ANO2: variants seen among roughly 807,000 people sequenced by gnomAD.
ANO2 encodes the protein anoctamin-2.
ANO2 carries 101 observed loss-of-function variants against 124.2 expected under a neutral mutation model. That is an observed-to-expected ratio of 0.81 (90% confidence interval 0.69 to 0.96). The LOEUF is 0.96. Among genes scored for constraint, ANO2 ranks in the 40% least tolerant of loss-of-function variants. The probability of loss-of-function intolerance (pLI) is 0.00; values close to 1 mark genes in which losing one functional copy is unlikely to be tolerated. For missense variants in ANO2, 1,293 were observed against 1,274.5 expected, an observed-to-expected ratio of 1.01 and a Z score of -0.22; for synonymous variants, 486 against 482.5, an observed-to-expected ratio of 1.01 and a Z score of -0.09.
intron 9 of ANO2, among the ~76,000 whole-genome samples, chr12:5,803,223 G>A (rs188464088): frequency 6.6e-6 from 1 of 152,124 alleles, no homozygotes; most frequent in African/African-American, 2.4e-5. Flanking sequence ...TGACCTATTC[G>A]AACATTTTAG....
chr12:5,807,674 A>C (rs1424576826), intron 7 of ANO2, among the ~76,000 whole-genome samples: 2 of 152,222 alleles, frequency 1.3e-5, no homozygotes, highest in African/African-American at 2.4e-5. Flanking sequence ...ATCAGGTGAG[A>C]ATCTCTGTGC....
intron 14 of ANO2, among the ~76,000 whole-genome samples, chr12:5,648,183 C>G (rs896883466): frequency 2.0e-5 from 3 of 152,070 alleles, no homozygotes; most frequent in Admixed American, 1.3e-4. Context: ...GGACAGTTTT[C>G]TTTGTTTTGT....
intron 14 of ANO2, among the ~76,000 whole-genome samples, chr12:5,729,515 G>A (rs1049558361): frequency 6.6e-6 from 1 of 152,158 alleles, no homozygotes; most frequent in Non-Finnish European, 1.5e-5. Flanking sequence ...ACTAAGTGTT[G>A]GTGAGGATGT....
chr12:5,773,374 G>A (rs1230883978), intron 10 of ANO2, among the ~76,000 whole-genome samples: 4 of 152,150 alleles, frequency 2.6e-5, no homozygotes. Context: ...TGTTATAATT[G>A]TTTCATTTTA....
intron 10 of ANO2, among the ~76,000 whole-genome samples, chr12:5,795,887 T>C (rs1465378164): frequency 6.6e-6 from 1 of 152,110 alleles, no homozygotes; most frequent in Non-Finnish European, 1.5e-5. Flanking sequence ...ACCAGAGAAG[T>C]GCAGGCAGAA....
intron 3 of ANO2, among the ~76,000 whole-genome samples, chr12:5,865,245 G>C (rs1002272017): frequency 5.9e-5 from 9 of 152,180 alleles, no homozygotes; most frequent in Non-Finnish European, 1.0e-4. Context: ...TTGGCAATGT[G>C]CTAAGAGTTA....
At chr12:5,878,345 C>T (rs150936488) in intron 3 of ANO2, among the ~76,000 whole-genome samples, 1 of 152,312 alleles carries the variant, frequency 6.6e-6, no homozygotes, top group East Asian at 1.9e-4. Flanking sequence ...GTGGTGGAAT[C>T]GAGATTCATG....
chr12:5,589,764 G>A (rs1291988069), intron 20 of ANO2, among the ~76,000 whole-genome samples: 1 of 152,156 alleles, frequency 6.6e-6, no homozygotes, highest in African/African-American at 2.4e-5. Flanking sequence ...ATGAGAAGGC[G>A]CAGGCAAGCC....
intron 14 of ANO2, among the ~76,000 whole-genome samples, chr12:5,691,061 G>A (rs1239821983): frequency 2.0e-5 from 3 of 152,094 alleles, no homozygotes; most frequent in African/African-American, 7.2e-5. Context: ...CAGGTGCGGT[G>A]GCTCACGCCT....
intron 19 of ANO2, among the ~76,000 whole-genome samples, chr12:5,607,317 C>T (rs1169662180): frequency 6.6e-6 from 1 of 152,108 alleles, no homozygotes; most frequent in East Asian, 1.9e-4. Context: ...ACCTGGAAAC[C>T]CCAAGAATGG....
intron 1 of ANO2, 119 bp downstream of exon 1, chr12:5,945,077 G>T: frequency 1.0e-6 from 1 of 956,636 alleles, no homozygotes; most frequent in Non-Finnish European, 1.4e-6. Context: ...GCACCACCCT[G>T]CCCAGGCTCC....
At chr12:5,753,211 A>T (rs535255061) in intron 10 of ANO2, among the ~76,000 whole-genome samples, 1 of 152,322 alleles carries the variant, frequency 6.6e-6, no homozygotes, top group East Asian at 1.9e-4. Flanking sequence ...GATGAATTTA[A>T]GGGCTTCAAT....
chr12:5,906,954 T>C (rs1437601342), intron 3 of ANO2, among the ~76,000 whole-genome samples: 1 of 152,228 alleles, frequency 6.6e-6, no homozygotes, highest in Non-Finnish European at 1.5e-5. Context: ...AAGTACAGAA[T>C]GAGAGGCATT....
At chr12:5,918,086 G>A (rs1941484610) in intron 3 of ANO2, among the ~76,000 whole-genome samples, 1 of 151,610 alleles carries the variant, frequency 6.6e-6, no homozygotes, top group African/African-American at 2.4e-5. Context: ...ACGCACCACA[G>A]CTCCCACATT....
intron 20 of ANO2, among the ~76,000 whole-genome samples, chr12:5,584,798 T>C: frequency 6.6e-6 from 1 of 152,196 alleles, no homozygotes. Context: ...ATCCTCAGCA[T>C]GGGCCTCCAT....
intron 1 of ANO2, 137 bp from the exon 2 acceptor site, chr12:5,922,941 C>A: frequency 1.1e-6 from 1 of 922,718 alleles, no homozygotes; most frequent in Non-Finnish European, 1.5e-6. Context: ...TTGGTTAGTC[C>A]CTAAAGCCCA....
At chr12:5,676,376 A>C (rs1948243415) in intron 14 of ANO2, among the ~76,000 whole-genome samples, 1 of 152,210 alleles carries the variant, frequency 6.6e-6, no homozygotes, top group Admixed American at 6.5e-5. Flanking sequence ...GTTTGGTTTT[A>C]GAAGCATCGT....
chr12:5,710,908 T>A (rs1228518432), intron 14 of ANO2, among the ~76,000 whole-genome samples: 1 of 152,150 alleles, frequency 6.6e-6, no homozygotes, highest in Non-Finnish European at 1.5e-5. Flanking sequence ...ACACCTGTAA[T>A]CCCAGCACTT....
intron 15 of ANO2, among the ~76,000 whole-genome samples, chr12:5,646,161 C>T (rs381373): frequency 0.74 from 112,695 of 152,056 alleles, 42,181 homozygotes; most frequent in Middle Eastern, 0.82. Flanking sequence ...TCTATCCTCC[C>T]TGCTCCCATA....
Sources: allele counts gnomAD v4.1 joint callset (sites outside exome capture counted in the v4.1 genomes callset), GRCh38; gene constraint gnomAD v4.1.1; transcripts MANE v1.5; gene names NCBI Gene and HGNC (gene_info 2026-07-23, HGNC 2026-07-21).